RAB25: variants seen among roughly 807,000 people sequenced by gnomAD.
RAB25 encodes RAB25, member RAS oncogene family.
RAB25 carries 23 observed loss-of-function variants against 25.2 expected under a neutral mutation model. The ratio of observed to expected loss-of-function variants is 0.91; its 90% CI spans 0.66 to 1.29. The LOEUF (loss-of-function observed/expected upper bound fraction) is 1.29. Ranked by LOEUF, RAB25 falls within the 50% of genes most tolerant of loss-of-function variation. RAB25 has a pLI of 0.00. For synonymous variants in RAB25, 102 were observed against 111.5 expected, an observed-to-expected ratio of 0.91 and a Z score of 0.54; for missense variants, 244 against 277.3, an observed-to-expected ratio of 0.88 and a Z score of 0.85.
chr1:156,068,758 G>A (rs1356629851), intron 3 of RAB25, among the ~76,000 whole-genome samples: 2 of 147,820 alleles, frequency 1.4e-5, no homozygotes, highest in African/African-American at 2.5e-5. Context: ...GTGCGATCTC[G>A]GCTCGCTGCA....
In RAB25 at chr1:156,061,169, C is replaced by T. The variant is rs539005640; in HGVS notation, c.-232C>T. On this transcript the variant is annotated 5_prime_UTR_variant, in exon 1 of 5. Transcript: ENST00000361084. ...CCCCGCTCTTCCTGTTCTCAGCTTC[C>T]GTCCTCTCTGCTTCCTTACAGCACC... 2.8e-5 allele frequency: 13 copies of T among 458,184 alleles called. No homozygotes were observed. Among genetic ancestry groups the T allele is most frequent in the Admixed American group, 1.8e-4 (5 of 27,392 alleles). 28.4% of individuals were successfully genotyped at this position (458,184 alleles called of 1,614,324 possible). A position where few individuals can be genotyped will look rare whatever the true frequency, so the allele number is the denominator to read the frequency against.
Position 156,065,910 on chromosome 1 carries a change from G to A in RAB25, c.44-1G>A. 6.3e-7 allele frequency: 1 copy of A among 1,591,214 alleles called. No homozygotes were observed. Among genetic ancestry groups the A allele is most frequent in the Non-Finnish European group, 8.6e-7 (1 of 1,164,944 alleles). On this transcript the variant is annotated splice_acceptor_variant, in intron 1 of 4. Transcript: ENST00000361084. LOFTEE classifies it high-confidence loss of function. ...CAGCCCTTATCTCTCCACTCCTTCA[G>A]TGGTGCTGATCGGCGAATCAGGTGT...
In RAB25 at chr1:156,069,671, A is replaced by C; in HGVS notation, c.434A>C (p.Glu145Ala). 6.2e-7 allele frequency: 1 copy of C among 1,607,298 alleles called. No individual in the cohort carries two copies. The highest frequency in any genetic ancestry group is 8.5e-7 in the Non-Finnish European group (1 of 1,173,818). Residue 145 changes from glutamate (E) to alanine (A), a missense_variant and splice_region_variant, in exon 4 of 5, where the codon GAA becomes GCA. Coordinates refer to ENST00000361084, the MANE Select transcript of RAB25 (RefSeq NM_020387.4). ...VPTEEARMFA[E>A]NNGLLFLETS... is the part of the protein sequence containing the mutation. Reference sequence around the variant, plus strand: ...AATGGTGTGTTTCCCTTCCTGGCAGAAAACAATGGACTGCTCTTCCTGGAG... The same window carrying C: ...AATGGTGTGTTTCCCTTCCTGGCAGCAAACAATGGACTGCTCTTCCTGGAG...
At chr1:156,063,254 G>T (rs866090536) in intron 1 of RAB25, among the ~76,000 whole-genome samples, 1 of 151,670 alleles carries the variant, frequency 6.6e-6, no homozygotes, top group South Asian at 2.1e-4. Flanking sequence ...CTGGGTTCAA[G>T]CGATTCTCCT....
chr1:156,070,091 G>T lies in RAB25; in HGVS notation c.515-69G>T. ...TCAGAAGGGGCATGCAGTATGTATGGGGGGGTTGGGGAGAAGGGAGCATGG... is the reference window on the plus strand; with the variant it reads ...TCAGAAGGGGCATGCAGTATGTATGTGGGGGTTGGGGAGAAGGGAGCATGG... On this transcript the variant is annotated intron_variant, in intron 4 of 4. Coordinates refer to ENST00000361084, the MANE Select transcript of RAB25 (RefSeq NM_020387.4). The T allele has an allele frequency of 5.6e-6, 9 of 1,611,954 alleles. No individual in the cohort carries two copies. In the South Asian group the frequency reaches 8.8e-5, roughly 16 times the overall value.
At chr1:156,068,599 T>C in intron 3 of RAB25, 136 bp downstream of exon 3, 1 of 708,640 alleles carries the variant, frequency 1.4e-6, no homozygotes, top group Non-Finnish European at 2.2e-6. Context: ...CCATCCCCTC[T>C]TCCTCAGGAT....
At chr1:156,063,052 TAAAAAAAAAA>T (rs1158919173) in intron 1 of RAB25, among the ~76,000 whole-genome samples, 6 of 67,898 alleles carry the variant, frequency 8.8e-5, no homozygotes, top group Non-Finnish European at 1.7e-4. Flanking sequence ...AGACTCTGTC[TAAAAAAAAAA>T]AAAAAAAAAA....
At chr1:156,068,799 A>G (rs1462860293) in intron 3 of RAB25, among the ~76,000 whole-genome samples, 1 of 144,282 alleles carries the variant, frequency 6.9e-6, no homozygotes, top group Non-Finnish European at 1.5e-5. Context: ...AGCAATTCTC[A>G]TGCCTCAGCC....
At chr1:156,062,201 T>A (rs1647608485) in intron 1 of RAB25, among the ~76,000 whole-genome samples, 1 of 152,108 alleles carries the variant, frequency 6.6e-6, no homozygotes, top group Non-Finnish European at 1.5e-5. Context: ...GGTGGGGCAA[T>A]AAATACATAG....
At chr1:156,065,500 G>A (rs1647716384) in intron 1 of RAB25, among the ~76,000 whole-genome samples, 1 of 152,038 alleles carries the variant, frequency 6.6e-6, no homozygotes, top group Non-Finnish European at 1.5e-5. Flanking sequence ...TATATATAGA[G>A]ACAAGTGCAA....
At chr1:156,070,008 T>G in intron 4 of RAB25, 152 bp from the exon 5 acceptor site, 1 of 1,216,464 alleles carries the variant, frequency 8.2e-7, no homozygotes, top group Non-Finnish European at 1.2e-6. Context: ...GGGACCCCTA[T>G]GTCCACACTT....
intron 2 of RAB25, 116 bp downstream of exon 2, chr1:156,066,222 G>T (rs1364306073): frequency 2.3e-6 from 2 of 878,092 alleles, no homozygotes; most frequent in Non-Finnish European, 3.3e-6. Context: ...GGGCTCTGGG[G>T]GGTGGGGATG....
chr1:156,069,802 C>T (rs371193816), intron 4 of RAB25, 51 bp downstream of exon 4: 118 of 1,478,184 alleles, frequency 8.0e-5, no homozygotes, highest in Non-Finnish European at 8.0e-5. Flanking sequence ...GTGGCTTCTA[C>T]AGGCAGCAGT....
rs540494183 is a variant in RAB25, at chr1:156,069,988, G to A, written c.515-172G>A. ...GACTCTTGGTTCCTTCTCCACCCAA[G>A]TAAGTAGAAGGGACCCCTATGTCCA... On this transcript the variant is annotated intron_variant, in intron 4 of 4. Transcript: ENST00000361084. 72 of 1,060,602 alleles carry A rather than the reference G, an allele frequency of 6.8e-5. No individual in the cohort carries two copies. In the South Asian group the frequency reaches 1.0e-3, roughly 15 times the overall value. 65.7% of individuals were successfully genotyped at this position (1,060,602 alleles called of 1,614,324 possible).
chr1:156,061,663 T>A (rs571921353), intron 1 of RAB25, among the ~76,000 whole-genome samples: 4 of 152,282 alleles, frequency 2.6e-5, no homozygotes, highest in Admixed American at 6.5e-5. Context: ...AATAATGATG[T>A]TGATTCCTCC....
At chr1:156,066,505 G>C (rs140251556) in intron 2 of RAB25, among the ~76,000 whole-genome samples, 25 of 152,270 alleles carry the variant, frequency 1.6e-4, no homozygotes, top group Non-Finnish European at 3.1e-4. Context: ...CGGATCGAGA[G>C]CGCCCCCTCA....
At chr1:156,065,646 A>C (rs1647720021) in intron 1 of RAB25, among the ~76,000 whole-genome samples, 1 of 152,212 alleles carries the variant, frequency 6.6e-6, no homozygotes, top group Non-Finnish European at 1.5e-5. Flanking sequence ...CCCTCACCAG[A>C]GATGCAGGCT....
intron 1 of RAB25, among the ~76,000 whole-genome samples, chr1:156,062,325 G>A (rs1647610504): frequency 6.6e-6 from 1 of 152,158 alleles, no homozygotes; most frequent in Non-Finnish European, 1.5e-5. Flanking sequence ...CTGCATACCA[G>A]GCACTGGGCT....
At position 156,069,709 on chromosome 1, in the gene RAB25, G is replaced by T. The variant is rs1213744642; in HGVS notation, c.472G>T (p.Asp158Tyr). The change falls in exon 4 of 5, where the codon GAC becomes TAC. Residue 158 changes from aspartate to tyrosine, a missense_variant. Asp to Tyr is a radical substitution (Grantham distance 160, BLOSUM62 -3). Transcript: ENST00000361084. The stretch of plus-strand genomic sequence containing the variant: ...GCTCTTCCTGGAGACCTCAGCCCTG[G>T]ACTCTACCAATGTTGAGCTAGCCTT... ...GLLFLETSAL[D>Y]STNVELAFET... is the part of the protein sequence containing the mutation. The T allele has an allele frequency of 1.1e-5, 17 of 1,613,398 alleles. No homozygotes were observed. The highest frequency in any genetic ancestry group is 1.3e-5 in the Non-Finnish European group (15 of 1,179,488).
Sources: allele counts gnomAD v4.1 joint callset (sites outside exome capture counted in the v4.1 genomes callset), GRCh38; gene constraint gnomAD v4.1.1; transcripts MANE v1.5; gene names NCBI Gene and HGNC (gene_info 2026-07-23, HGNC 2026-07-21).